The following NRXN3 variants were observed in gnomAD, a reference collection of about 807,000 sequenced individuals.
NRXN3 encodes neurexin 3, also known as neurexin III.
A neutral mutation model predicts 137.6 loss-of-function variants in NRXN3; 32 were observed. The observed-to-expected ratio is 0.23, with a 90% CI of 0.18 to 0.31. The LOEUF (loss-of-function observed/expected upper bound fraction) is 0.31. Among genes scored for constraint, NRXN3 ranks in the 10% least tolerant of loss-of-function variants. The pLI, the probability that NRXN3 is intolerant of heterozygous loss-of-function variation, is 1.00. For synonymous variants in NRXN3, 798 were observed against 784.5 expected, an observed-to-expected ratio of 1.02 and a Z score of -0.29; for missense variants, 1,574 against 2,062.5, an observed-to-expected ratio of 0.76 and a Z score of 4.59.
chr14:79,753,502 T>C (rs1200755548), intron 19 of NRXN3, among the ~76,000 whole-genome samples: 1 of 134,190 alleles, frequency 7.5e-6, no homozygotes, highest in South Asian at 2.3e-4. Flanking sequence ...TTCTCACTCA[T>C]AGATGGGAAT....
chr14:78,614,113 T>C lies in NRXN3; in HGVS notation c.758-31007T>C, dbSNP rs980852550. Among the ~76,000 whole-genome samples, 5 of 152,186 alleles carry C rather than the reference T, an allele frequency of 3.3e-5. No homozygotes were observed. In the East Asian group the frequency reaches 9.6e-4, roughly 29 times the overall value. On this transcript the variant is annotated intron_variant, in intron 4 of 20. Transcript: ENST00000335750. ...TGTTACTAATCCATAAGGATATAAA[T>C]ATGGAAACTGAGAGTAAGCATTTAA...
chr14:79,741,298 A>T (rs1486262422), intron 19 of NRXN3, among the ~76,000 whole-genome samples: 4 of 152,148 alleles, frequency 2.6e-5, no homozygotes, highest in Admixed American at 6.5e-5. Flanking sequence ...TAAATCTAAG[A>T]CCAAAAACAG....
At chr14:78,841,943 G>A (rs944777434) in intron 10 of NRXN3, among the ~76,000 whole-genome samples, 1 of 152,090 alleles carries the variant, frequency 6.6e-6, no homozygotes, top group Non-Finnish European at 1.5e-5. Flanking sequence ...ATCTTTCAGG[G>A]TTAGAATGAG....
At chr14:78,709,143 G>T (rs1386390638) in intron 6 of NRXN3, 74 bp from the exon 7 acceptor site, 10 of 1,400,152 alleles carry the variant, frequency 7.1e-6, no homozygotes, top group Non-Finnish European at 9.7e-6. Context: ...CATTTTTCCA[G>T]GTGCCCAGTG....
At chr14:78,685,881 T>C (rs1305428122) in intron 6 of NRXN3, among the ~76,000 whole-genome samples, 1 of 150,840 alleles carries the variant, frequency 6.6e-6, no homozygotes, top group Non-Finnish European at 1.5e-5. Context: ...ACTCCTGACC[T>C]CAGGTGATCC....
rs34854400 is a variant in NRXN3, at chr14:79,081,615, CAAA to C, written c.3262+93491_3262+93493del. ...TGGGCGACAGAGTGAGACTTTATCTCAAAAAAAAAAAAAAAAAAATGATATGAT... is the reference window on the plus strand; with the variant it reads ...TGGGCGACAGAGTGAGACTTTATCTCAAAAAAAAAAAAAAAATGATATGAT... On this transcript the variant is annotated intron_variant, in intron 15 of 20. Transcript: ENST00000335750. Among the ~76,000 whole-genome samples, 747 of 110,264 alleles carry C rather than the reference CAAA, an allele frequency of 6.8e-3. 3 individuals carry two copies. Among genetic ancestry groups the C allele is most frequent in the African/African-American group, 0.022 (687 of 30,818 alleles). 72.3% of individuals were successfully genotyped at this position (110,264 alleles called of 152,430 possible).
chr14:79,818,289 G>A (rs374053983), intron 20 of NRXN3, among the ~76,000 whole-genome samples: 6 of 152,106 alleles, frequency 3.9e-5, no homozygotes, highest in African/African-American at 1.4e-4. Context: ...TCCTGACCTC[G>A]TGATCCGCCC....
chr14:79,132,044 C>A (rs146241028), intron 15 of NRXN3, among the ~76,000 whole-genome samples: 28 of 145,560 alleles, frequency 1.9e-4, no homozygotes, highest in Non-Finnish European at 3.8e-4. Flanking sequence ...AGCTCACGCA[C>A]GGTGCGTGCA....
intron 10 of NRXN3, among the ~76,000 whole-genome samples, chr14:78,811,794 A>T (rs899097632): frequency 2.0e-5 from 3 of 152,214 alleles, no homozygotes; most frequent in Non-Finnish European, 2.9e-5. Flanking sequence ...AAGAAATTTA[A>T]AATATCGATA....
At chr14:79,371,170 G>T (rs1280428390) in intron 15 of NRXN3, among the ~76,000 whole-genome samples, 1 of 152,168 alleles carries the variant, frequency 6.6e-6, no homozygotes, top group Non-Finnish European at 1.5e-5. Flanking sequence ...CACTCAGCTG[G>T]TGGCTACATA....
chr14:78,393,641 C>G (rs1164180743), intron 4 of NRXN3, among the ~76,000 whole-genome samples: 2 of 151,998 alleles, frequency 1.3e-5, no homozygotes, highest in South Asian at 2.1e-4. Flanking sequence ...CTGACTATCT[C>G]TCCCAAAACA....
At chr14:78,672,531 G>C (rs962060905) in intron 6 of NRXN3, among the ~76,000 whole-genome samples, 2 of 152,182 alleles carry the variant, frequency 1.3e-5, no homozygotes, top group African/African-American at 4.8e-5. Flanking sequence ...ATGACAAAGA[G>C]AATCAGGTCC....
chr14:79,438,024 G>A (rs1273656425), intron 15 of NRXN3, among the ~76,000 whole-genome samples: 1 of 152,184 alleles, frequency 6.6e-6, no homozygotes, highest in South Asian at 2.1e-4. Flanking sequence ...GGCTTCTCTT[G>A]CAATAGCCAG....
intron 19 of NRXN3, among the ~76,000 whole-genome samples, chr14:79,717,868 A>C (rs2098828905): frequency 6.6e-6 from 1 of 152,144 alleles, no homozygotes; most frequent in African/African-American, 2.4e-5. Flanking sequence ...ACCATCCCTC[A>C]AGCACCCTAG....
chr14:78,550,640 A>T (rs142242877), intron 4 of NRXN3, among the ~76,000 whole-genome samples: 9 of 152,216 alleles, frequency 5.9e-5, no homozygotes, highest in Non-Finnish European at 1.2e-4. Context: ...TGTTCTACAT[A>T]AGGGACTGGA....
intron 15 of NRXN3, among the ~76,000 whole-genome samples, chr14:79,022,174 A>T (rs2099590767): frequency 6.6e-6 from 1 of 152,192 alleles, no homozygotes; most frequent in African/African-American, 2.4e-5. Flanking sequence ...CAGCTAAACA[A>T]TTGTTTAATA....
At chr14:79,595,256 T>C (rs1359046706) in intron 16 of NRXN3, among the ~76,000 whole-genome samples, 1 of 152,214 alleles carries the variant, frequency 6.6e-6, no homozygotes, top group Admixed American at 6.5e-5. Flanking sequence ...CCTGTTCATA[T>C]TGTGGACAAT....
At chr14:79,583,172 G>T (rs2097733173) in intron 16 of NRXN3, among the ~76,000 whole-genome samples, 1 of 152,162 alleles carries the variant, frequency 6.6e-6, no homozygotes, top group Non-Finnish European at 1.5e-5. Flanking sequence ...TAAAAAGAGG[G>T]CTCTGTGGAT....
At chr14:78,523,894 G>A (rs1012915043) in intron 4 of NRXN3, among the ~76,000 whole-genome samples, 3 of 150,838 alleles carry the variant, frequency 2.0e-5, no homozygotes, top group Middle Eastern at 3.5e-3. Flanking sequence ...AGTCTATGTG[G>A]GTCTGCTTCC....
Sources: allele counts gnomAD v4.1 joint callset (sites outside exome capture counted in the v4.1 genomes callset), GRCh38; gene constraint gnomAD v4.1.1; transcripts MANE v1.5; gene names NCBI Gene and HGNC (gene_info 2026-07-23, HGNC 2026-07-21).